The following DMRT1 variants were observed in gnomAD, a reference collection of about 807,000 sequenced individuals.
DMRT1 encodes the protein doublesex- and mab-3-related transcription factor 1.
A neutral mutation model predicts 32.3 loss-of-function variants in DMRT1; 7 were observed. The observed-to-expected ratio is 0.22, with a 90% CI of 0.12 to 0.41. DMRT1 has a LOEUF of 0.41. DMRT1 is among the 10% of genes least tolerant of loss of function. DMRT1 has a pLI of 1.00. For missense variants in DMRT1, 625 were observed against 500.5 expected (o/e 1.25, Z -2.37); for synonymous variants, 278 against 206.1 (o/e 1.35, Z -2.99).
intron 4 of DMRT1, among the ~76,000 whole-genome samples, chr9:930,504 C>G (rs545316546): frequency 3.0e-4 from 45 of 151,928 alleles, no homozygotes; most frequent in African/African-American, 1.1e-3. Flanking sequence ...CTCCGCCTCT[C>G]GGGTTCATGC....
At chr9:913,844 G>T (rs141283445) in intron 3 of DMRT1, among the ~76,000 whole-genome samples, 1 of 152,196 alleles carries the variant, frequency 6.6e-6, no homozygotes, top group African/African-American at 2.4e-5. Context: ...AGTGAGCCGA[G>T]ATTGTGCCAT....
At chr9:888,302 CTTT>C (rs33910017) in intron 2 of DMRT1, among the ~76,000 whole-genome samples, 2 of 144,006 alleles carry the variant, frequency 1.4e-5, no homozygotes, top group Non-Finnish European at 1.5e-5. Context: ...CAATGGAATT[CTTT>C]TTTTTTTTTT....
rs77240134 is a variant in DMRT1, at chr9:939,100, T to C, written c.967+22193T>C. Among the ~76,000 whole-genome samples, 95 of 152,374 alleles carry C rather than the reference T, an allele frequency of 6.2e-4. 1 individual carries two copies. Among genetic ancestry groups the C allele is most frequent in the African/African-American group, 2.2e-3 (92 of 41,588 alleles). ...GTACCAGTAACACCCCATTTATGCC[T>C]GTGCATCCTTTTCCCCTAAGAATCC... On this transcript the variant is annotated intron_variant, in intron 4 of 4. Coordinates refer to ENST00000382276, the MANE Select transcript of DMRT1 (RefSeq NM_021951.3).
chr9:869,237 C>G (rs1180716415), intron 2 of DMRT1, among the ~76,000 whole-genome samples: 1 of 152,148 alleles, frequency 6.6e-6, no homozygotes, highest in Non-Finnish European at 1.5e-5. Context: ...GCCTCTTCCT[C>G]CCCTTTCCCT....
intron 2 of DMRT1, among the ~76,000 whole-genome samples, chr9:852,919 C>G (rs753176529): frequency 9.2e-5 from 14 of 152,176 alleles, no homozygotes; most frequent in Non-Finnish European, 1.5e-4. Context: ...TGAGAGAGCA[C>G]ACGCCAGTTG....
chr9:880,052 G>C (rs1816669525), intron 2 of DMRT1, among the ~76,000 whole-genome samples: 1 of 152,150 alleles, frequency 6.6e-6, no homozygotes, highest in African/African-American at 2.4e-5. Context: ...AATAAATACT[G>C]TCAGTTGTTT....
At chr9:893,084 T>C (rs1355347012) in intron 2 of DMRT1, among the ~76,000 whole-genome samples, 1 of 136,078 alleles carries the variant, frequency 7.3e-6, no homozygotes, top group African/African-American at 3.2e-5. Context: ...AGGTGGTAGG[T>C]GGTATTCCCT....
chr9:959,278 G>A (rs926524387), intron 4 of DMRT1, among the ~76,000 whole-genome samples: 41 of 152,216 alleles, frequency 2.7e-4, no homozygotes, highest in African/African-American at 9.9e-4. Context: ...GCACCTATAT[G>A]TGGATCTGAG....
intron 3 of DMRT1, among the ~76,000 whole-genome samples, chr9:896,333 G>T (rs1435693025): frequency 7.4e-6 from 1 of 135,934 alleles, no homozygotes; most frequent in Non-Finnish European, 1.6e-5. Context: ...CTGTCGCCCA[G>T]GCTGGTGCGA....
intron 2 of DMRT1, among the ~76,000 whole-genome samples, chr9:876,990 C>T (rs529565547): frequency 2.8e-4 from 42 of 151,990 alleles, no homozygotes; most frequent in African/African-American, 9.6e-4. Flanking sequence ...AAGAGGCTGC[C>T]TCAGCCATGG....
chr9:861,307 A>T (rs1815655779), intron 2 of DMRT1, among the ~76,000 whole-genome samples: 1 of 152,120 alleles, frequency 6.6e-6, no homozygotes, highest in East Asian at 1.9e-4. Context: ...TGTTTAACAA[A>T]GCACAGTTTG....
chr9:886,669 G>A lies in DMRT1; in HGVS notation c.539-7243G>A, dbSNP rs73639466. 7.2e-3 allele frequency among the ~76,000 whole-genome samples: 1,093 copies of A among 151,884 alleles called. 11 individuals are homozygous for A. Among genetic ancestry groups the A allele is most frequent in the African/African-American group, 0.025 (1,050 of 41,368 alleles). On this transcript the variant is annotated intron_variant, in intron 2 of 4. Transcript: ENST00000382276. The stretch of plus-strand genomic sequence containing the variant: ...GAAAACCACTTTTTGAAAACTTTAT[G>A]TATATATAAATATATACATATTTTA...
intron 1 of DMRT1, 67 bp downstream of exon 1, chr9:842,259 G>A: frequency 1.4e-6 from 2 of 1,407,142 alleles, no homozygotes; most frequent in Non-Finnish European, 1.9e-6. Context: ...TTTTTAGATG[G>A]AGTCTCGCTC....
intron 2 of DMRT1, among the ~76,000 whole-genome samples, chr9:859,642 C>A (rs11788446): frequency 0.31 from 47,735 of 152,044 alleles, 8,288 homozygotes; most frequent in African/African-American, 0.48. Flanking sequence ...TGTTGTTGAA[C>A]CAAATTACAC....
Position 924,070 on chromosome 9 carries a change from CTTT to C in DMRT1, c.967+7179_967+7181del, listed in dbSNP as rs1554757297. On this transcript the variant is annotated intron_variant, in intron 4 of 4. Coordinates refer to ENST00000382276, the MANE Select transcript of DMRT1 (RefSeq NM_021951.3). ...GAGCCAGTAGTAAGATGATCAATCT[CTTT>C]TTTTTTTTTTTTTTTCCACCTGGAG... Among the ~76,000 whole-genome samples, 9 of 87,032 alleles carry C rather than the reference CTTT, an allele frequency of 1.0e-4. 1 individual carries two copies. Among genetic ancestry groups the C allele is most frequent in the Admixed American group, 5.9e-4 (5 of 8,532 alleles). The allele number at this position is 87,032 out of a possible 152,430, so 57.1% of individuals were successfully genotyped here.
rs188858643 is a variant in DMRT1, at chr9:876,746, G to C, written c.539-17166G>C. Among the ~76,000 whole-genome samples, 20 of 152,254 alleles carry C rather than the reference G, an allele frequency of 1.3e-4. 1 individual carries two copies. The South Asian group carries it at 2.3e-3, about 17-fold the overall frequency. On this transcript the variant is annotated intron_variant, in intron 2 of 4. Transcript: ENST00000382276. ...GGGTCTCGCCATGTTGCTCAGGTTG[G>C]TCTGGAACTTCTGACCTCAAGCAAT...
At chr9:893,548 A>G (rs768226869) in intron 2 of DMRT1, among the ~76,000 whole-genome samples, 1 of 152,230 alleles carries the variant, frequency 6.6e-6, no homozygotes, top group African/African-American at 2.4e-5. Context: ...TGTGGCTACA[A>G]TTAATTTTGT....
chr9:962,078 G>A (rs1245757227), intron 4 of DMRT1, among the ~76,000 whole-genome samples: 3 of 152,190 alleles, frequency 2.0e-5, no homozygotes, highest in African/African-American at 7.2e-5. Context: ...GCCCCACGAT[G>A]ATTAGGTGTT....
chr9:900,853 C>G (rs985213168), intron 3 of DMRT1, among the ~76,000 whole-genome samples: 2 of 151,614 alleles, frequency 1.3e-5, no homozygotes, highest in African/African-American at 2.4e-5. Flanking sequence ...CCACACCTGG[C>G]TAATTAAAAA....
Sources: allele counts gnomAD v4.1 joint callset (sites outside exome capture counted in the v4.1 genomes callset), GRCh38; gene constraint gnomAD v4.1.1; transcripts MANE v1.5; gene names NCBI Gene and HGNC (gene_info 2026-07-23, HGNC 2026-07-21).